SYNE2: variants seen among roughly 807,000 people sequenced by gnomAD.
SYNE2 encodes spectrin repeat containing nuclear envelope protein 2.
Under a neutral mutation model 856.3 loss-of-function variants are expected in SYNE2, and 431 were observed. The observed-to-expected ratio is 0.50, with a 90% confidence interval of 0.47 to 0.55. The LOEUF (loss-of-function observed/expected upper bound fraction) is 0.55. SYNE2 is among the 20% of genes least tolerant of loss of function. The pLI, the probability that SYNE2 is intolerant of heterozygous loss-of-function variation, is 0.00. For missense variants in SYNE2, 8,129 were observed against 8,023.2 expected, an observed-to-expected ratio of 1.01 and a Z score of -0.50; for synonymous variants, 2,923 against 2,872.3, an observed-to-expected ratio of 1.02 and a Z score of -0.56.
chr14:64,224,971 T>TACTA, intron 114 of SYNE2, 28 bp from the exon 115 acceptor site: 1 of 1,611,500 alleles, frequency 6.2e-7, no homozygotes, highest in Non-Finnish European at 8.5e-7. Context: ...GTCTTCAACT[T>TACTA]ACTAACTGGA....
chr14:64,072,375 A>G (rs1057179075), intron 52 of SYNE2, among the ~76,000 whole-genome samples: 1 of 152,170 alleles, frequency 6.6e-6, no homozygotes, highest in Admixed American at 6.5e-5. Flanking sequence ...GCAGACACCA[A>G]TTCATTTCTC....
chr14:63,771,896 C>CAAAAAAAAAAAAAA (rs59481661), intron 1 of SYNE2, among the ~76,000 whole-genome samples: 10 of 148,136 alleles, frequency 6.8e-5, no homozygotes, highest in African/African-American at 2.4e-4. Context: ...GACTCTGTCT[C>CAAAAAAAAAAAAAA]AAAAAGCAAA....
intron 1 of SYNE2, among the ~76,000 whole-genome samples, chr14:63,831,787 G>A (rs112877402): frequency 7.3e-5 from 11 of 151,502 alleles, no homozygotes; most frequent in African/African-American, 2.4e-4. Context: ...CAGATGATCC[G>A]CCCACCTCAG....
At chr14:63,893,817 C>G (rs534598606) in intron 1 of SYNE2, among the ~76,000 whole-genome samples, 13 of 152,200 alleles carry the variant, frequency 8.5e-5, no homozygotes, top group Non-Finnish European at 1.8e-4. Context: ...GCTGGCCAAG[C>G]TAAACATTCA....
At position 63,981,880 on chromosome 14, in the gene SYNE2, G is replaced by A. The variant is rs546463474; in HGVS notation, c.1836+707G>A. ...GATAACGGTAAGAGTGCAAAAAAGA[G>A]CATTTTACGGGTTGAGTCATCACTT... On this transcript the variant is annotated intron_variant, in intron 16 of 115. Transcript: ENST00000555002. Among the ~76,000 whole-genome samples the A allele has an allele frequency of 2.0e-5, 3 of 152,284 alleles. No individual in the cohort carries two copies. The East Asian group carries it at 5.8e-4, about 29-fold the overall frequency.
Position 64,177,388 on chromosome 14 carries a change from G to C in SYNE2, c.17461G>C (p.Glu5821Gln). Residue 5821 changes from glutamate (E) to glutamine (Q), a missense_variant, in exon 96 of 116, where the codon GAG becomes CAG. Glu to Gln is a conservative substitution (Grantham distance 29). Transcript: ENST00000555002. ...GGACCAGTGTGAAAAGAAAATCAAGGAGTTGAAAAGCAGGCTGCAAGTTTT... is the reference window on the plus strand; with the variant it reads ...GGACCAGTGTGAAAAGAAAATCAAGCAGTTGAAAAGCAGGCTGCAAGTTTT... The part of the protein sequence containing the change: ...TWDQCEKKIK[E>Q]LKSRLQVLKA... 1 of 1,614,116 alleles carries C rather than the reference G, an allele frequency of 6.2e-7. No individual in the cohort carries two copies. Among genetic ancestry groups the C allele is most frequent in the South Asian group, 1.1e-5 (1 of 91,078 alleles).
rs1411534785 is a variant in SYNE2, at chr14:63,991,081, G to A, written c.2612G>A (p.Arg871Lys). 1 of 1,614,122 alleles carries A rather than the reference G, an allele frequency of 6.2e-7. No homozygotes were observed. The highest frequency in any genetic ancestry group is 1.1e-5 in the South Asian group (1 of 91,082). Residue 871 changes from arginine to lysine, a missense_variant, in exon 21 of 116, where the codon AGA becomes AAA. Transcript: ENST00000555002. ...MMRAQQLLGQ[R>K]ESPGELISKH... ...AGGGCTCAGCAGTTACTGGGGCAAA[G>A]AGAGAGCCCCGGTGAACTCATTTCA... is the stretch of plus-strand genomic sequence containing the variant.
chr14:63,905,638 C>T (rs552665380), intron 1 of SYNE2, among the ~76,000 whole-genome samples: 2 of 152,288 alleles, frequency 1.3e-5, no homozygotes, highest in East Asian at 3.9e-4. Context: ...AATTTTTGTA[C>T]ATTGATTTTA....
chr14:64,034,637 T>G, intron 45 of SYNE2: 1 of 479,262 alleles, frequency 2.1e-6, no homozygotes, highest in Non-Finnish European at 3.8e-6. Context: ...TTCTTTAATA[T>G]TGGAAATGTT....
intron 76 of SYNE2, among the ~76,000 whole-genome samples, chr14:64,130,881 C>T (rs947364276): frequency 3.7e-5 from 5 of 135,280 alleles, no homozygotes; most frequent in Admixed American, 2.3e-4. Context: ...AAGACTCTAT[C>T]TCAAAAAAAA....
chr14:64,215,504 C>A, intron 107 of SYNE2, 150 bp downstream of exon 107: 1 of 825,458 alleles, frequency 1.2e-6, no homozygotes, highest in African/African-American at 1.7e-5. Flanking sequence ...CACTGCCGTA[C>A]TCACCCATAA....
chr14:64,219,695 G>C (rs1470863081), intron 110 of SYNE2, among the ~76,000 whole-genome samples: 1 of 152,198 alleles, frequency 6.6e-6, no homozygotes, highest in East Asian at 1.9e-4. Flanking sequence ...GGCATTTCTA[G>C]ACTTTTCTGG....
At chr14:64,212,150 G>A in intron 104 of SYNE2, 52 bp downstream of exon 104, 1 of 1,611,400 alleles carries the variant, frequency 6.2e-7, no homozygotes, top group Non-Finnish European at 8.5e-7. Flanking sequence ...CCTTTGCGTG[G>A]GAGAGCTGGC....
At position 64,053,043 on chromosome 14, in the gene SYNE2, G is replaced by C; in HGVS notation, c.9130G>C (p.Glu3044Gln). ...TAAGCAGTTGGACACATTTGAGGAA[G>C]AACATGGCAAATATCAGGCATTATT... ...KIKQLDTFEE[E>Q]HGKYQALLSK... is the part of the protein sequence containing the mutation. The change falls in exon 48 of 116, where the codon GAA becomes CAA. Residue 3044 changes from glutamate (E) to glutamine (Q), a missense_variant. Around this residue, in one of 3 missense-constraint regions of SYNE2, gnomAD observed 5,410 missense variants for 5,284.8 expected, o/e 1.02. Coordinates refer to ENST00000555002, the MANE Select transcript of SYNE2 (RefSeq NM_182914.3). 6.2e-7 allele frequency: 1 copy of C among 1,613,936 alleles called. No homozygotes were observed. The highest frequency in any genetic ancestry group is 2.2e-5 in the East Asian group (1 of 44,868).
Position 64,120,952 on chromosome 14 carries a change from C to CA in SYNE2, c.13050dup (p.Glu4351ArgfsTer12), listed in dbSNP as rs2097893925. On this transcript the variant is annotated frameshift_variant, in exon 68 of 116. Coordinates refer to ENST00000555002, the MANE Select transcript of SYNE2 (RefSeq NM_182914.3). LOFTEE classifies it high-confidence loss of function. ...CATCCTACCATTCTAAAGAAATCCT[C>CA]AGAGCCAGAGCATCAAGAAGCTCTC... The CA allele has an allele frequency of 6.2e-7, 1 of 1,614,036 alleles. No homozygotes were observed. The highest frequency in any genetic ancestry group is 1.3e-5 in the African/African-American group (1 of 74,924).
chr14:63,864,242 G>A (rs1180442520), intron 1 of SYNE2: 5 of 152,262 alleles, frequency 3.3e-5, no homozygotes, highest in Non-Finnish European at 5.9e-5. Flanking sequence ...CTGTTAATAC[G>A]TCTTTGTTTA....
At chr14:64,212,758 T>G (rs1415149427) in intron 104 of SYNE2, 53 bp from the exon 105 acceptor site, 1 of 1,554,454 alleles carries the variant, frequency 6.4e-7, no homozygotes, top group Non-Finnish European at 8.9e-7. Flanking sequence ...AAACAGGCAG[T>G]GGAAGCTCAG....
chr14:64,122,288 A>T lies in SYNE2; in HGVS notation c.13283A>T (p.Asn4428Ile). Residue 4428 changes from asparagine to isoleucine, a missense_variant and splice_region_variant, in exon 70 of 116, where the codon AAC becomes ATC. Asn to Ile is a moderately radical substitution (Grantham distance 149). Transcript: ENST00000555002. ...CACCTTTTGTTCTTCTTCAAAAGCA[A>T]CCAGGCATCCAGCCCTGAAAATGAC... ...NDTTQESSASNQASSPENDVP... is the reference protein window; with the variant it reads ...NDTTQESSASIQASSPENDVP... 6.2e-7 allele frequency: 1 copy of T among 1,614,180 alleles called. No individual in the cohort carries two copies. The highest frequency in any genetic ancestry group is 8.5e-7 in the Non-Finnish European group (1 of 1,180,030).
chr14:64,223,425 A>C (rs1288138132), intron 113 of SYNE2, 45 bp downstream of exon 113: 3 of 1,604,998 alleles, frequency 1.9e-6, no homozygotes, highest in Admixed American at 3.3e-5. Context: ...GCCGTATTAC[A>C]TGCAGACAGG....
Sources: gnomAD v4.1 joint callset for allele counts (sites outside exome capture counted in the v4.1 genomes callset) on GRCh38, gnomAD v4.1.1 for gene constraint, gnomAD v4.1.1 regional missense constraint, MANE v1.5 for transcripts, NCBI Gene and HGNC (gene_info 2026-07-23, HGNC 2026-07-21) for gene names.